AGBL1: variants seen among roughly 807,000 people sequenced by gnomAD.
AGBL1 encodes the protein AGBL carboxypeptidase 1, also known as cytosolic carboxypeptidase 4.
Under a neutral mutation model 118.9 loss-of-function variants are expected in AGBL1, and 130 were observed. The ratio of observed to expected loss-of-function variants is 1.09; its 90% CI spans 0.95 to 1.26. The LOEUF (loss-of-function observed/expected upper bound fraction) is 1.26, where lower values mean the gene tolerates loss of function less well. Among genes scored for constraint, AGBL1 ranks in the 50% most tolerant of loss-of-function variants. AGBL1 has a pLI of 0.00. For synonymous variants in AGBL1, 555 were observed against 478.9 expected (o/e 1.16, Z -2.08); for missense variants, 1,584 against 1,298.1 (o/e 1.22, Z -3.38).
At position 86,485,468 on chromosome 15, in the gene AGBL1, A is replaced by T. The variant is rs568311687; in HGVS notation, c.2556-37342A>T. On this transcript the variant is annotated intron_variant, in intron 18 of 22. Coordinates refer to ENST00000614907, the MANE Select transcript of AGBL1 (RefSeq NM_001386094.1). ...TTATAGTAAATATTTTAAGTTTTGC[A>T]GCTACACAGTCTCTGATGAAACTTT... is the stretch of plus-strand genomic sequence containing the variant. 8.5e-4 allele frequency among the ~76,000 whole-genome samples: 129 copies of T among 152,276 alleles called. No homozygotes were observed. The Middle Eastern group carries it at 0.017, about 20-fold the overall frequency.
chr15:86,086,228 C>G (rs1261039011), intron 1 of AGBL1: 1 of 152,166 alleles, frequency 6.6e-6, no homozygotes, highest in Non-Finnish European at 1.5e-5. Flanking sequence ...GGGATGAGAA[C>G]TTGGTCTCGG....
intron 1 of AGBL1, among the ~76,000 whole-genome samples, chr15:86,119,072 TG>T (rs1466454878): frequency 6.6e-6 from 1 of 152,184 alleles, no homozygotes; most frequent in East Asian, 1.9e-4. Context: ...CCAAAGTGCT[TG>T]CTCCTTTCTC....
intron 23 of AGBL1, among the ~76,000 whole-genome samples, chr15:86,952,915 G>A (rs72755656): frequency 1.3e-5 from 2 of 152,126 alleles, no homozygotes; most frequent in Non-Finnish European, 1.5e-5. Flanking sequence ...GCAAGCATAA[G>A]TCATTGAATA....
Position 86,685,334 on chromosome 15 carries a change from C to G in AGBL1, c.3158+10898C>G, listed in dbSNP as rs117600993. On this transcript the variant is annotated intron_variant, in intron 22 of 22. Transcript: ENST00000614907. The stretch of plus-strand genomic sequence containing the variant: ...TATCTTCGGTCATGTGATAGCTCAT[C>G]ATAGACTTACTGATTCTATTTGTGG... 3.0e-3 allele frequency among the ~76,000 whole-genome samples: 462 copies of G among 152,226 alleles called. 1 individual carries two copies. Among genetic ancestry groups the G allele is most frequent in the Non-Finnish European group, 4.5e-3 (309 of 68,016 alleles).
intron 15 of AGBL1, 37 bp downstream of exon 15, chr15:86,271,743 C>A (rs1263637731): frequency 6.5e-7 from 1 of 1,538,868 alleles, no homozygotes; most frequent in Non-Finnish European, 9.0e-7. Context: ...TTTCTCTGTC[C>A]TGTAATTTTC....
intron 22 of AGBL1, among the ~76,000 whole-genome samples, chr15:86,688,002 C>G (rs1260852701): frequency 6.6e-6 from 1 of 152,028 alleles, no homozygotes; most frequent in Non-Finnish European, 1.5e-5. Context: ...CCCCAAGACC[C>G]TAACTTTTGT....
At chr15:86,266,569 T>C (rs2079076026) in intron 12 of AGBL1, 112 bp downstream of exon 12, 4 of 805,192 alleles carry the variant, frequency 5.0e-6, no homozygotes, top group Non-Finnish European at 7.6e-6. Context: ...AACAGCATGA[T>C]GAAAATCCAG....
intron 5 of AGBL1, among the ~76,000 whole-genome samples, chr15:86,174,445 C>G (rs2077455170): frequency 1.3e-5 from 2 of 152,000 alleles, no homozygotes. Flanking sequence ...TTATTTCTTT[C>G]TCTTGCTAGA....
intron 21 of AGBL1, among the ~76,000 whole-genome samples, chr15:86,631,485 T>C (rs2084965132): frequency 6.6e-6 from 1 of 152,226 alleles, no homozygotes; most frequent in South Asian, 2.1e-4. Flanking sequence ...TCAAGTTTAC[T>C]GGGAAGACCT....
chr15:86,551,764 G>T (rs979826207), intron 20 of AGBL1, among the ~76,000 whole-genome samples: 6 of 152,112 alleles, frequency 3.9e-5, no homozygotes, highest in Non-Finnish European at 8.8e-5. Flanking sequence ...GACAGCTACA[G>T]CCCAATATTT....
At chr15:86,608,992 G>C (rs977028794) in intron 21 of AGBL1, among the ~76,000 whole-genome samples, 7 of 152,138 alleles carry the variant, frequency 4.6e-5, no homozygotes, top group African/African-American at 1.7e-4. Context: ...TGGCTATGTG[G>C]AATATGACAC....
intron 18 of AGBL1, among the ~76,000 whole-genome samples, chr15:86,400,906 G>A (rs1300907118): frequency 2.0e-5 from 3 of 151,984 alleles, no homozygotes; most frequent in South Asian, 2.1e-4. Context: ...CTGCAATTGC[G>A]AATTGTGCTG....
chr15:86,717,609 A>G (rs2086657341), intron 22 of AGBL1, among the ~76,000 whole-genome samples: 1 of 152,220 alleles, frequency 6.6e-6, no homozygotes, highest in Admixed American at 6.5e-5. Context: ...CCTAGGGAGC[A>G]GAAGTAGCCT....
At chr15:86,395,412 A>T (rs2081348251) in intron 17 of AGBL1, among the ~76,000 whole-genome samples, 1 of 152,090 alleles carries the variant, frequency 6.6e-6, no homozygotes, top group Non-Finnish European at 1.5e-5. Flanking sequence ...CATCTTTGGA[A>T]ATGGCCTTAC....
rs983366259 is a variant in AGBL1 at position 86,648,485 on chromosome 15, T to A, written c.2995-25788T>A. ...CCCCATCAACAGAGATGGGGAAAAC[T>A]GTGAGTTTAATAGGTTTGGAGCAGG... On this transcript the variant is annotated intron_variant, in intron 21 of 22. Transcript: ENST00000614907. 3.9e-5 allele frequency among the ~76,000 whole-genome samples: 6 copies of A among 152,160 alleles called. No homozygotes were observed. In the East Asian group the frequency reaches 1.2e-3, roughly 29 times the overall value.
intron 22 of AGBL1, among the ~76,000 whole-genome samples, chr15:86,760,534 G>A (rs991416830): frequency 8.6e-5 from 13 of 152,044 alleles, no homozygotes; most frequent in Non-Finnish European, 1.9e-4. Flanking sequence ...AGATGTCTTT[G>A]CTGCTTGCTT....
At chr15:86,896,745 C>A (rs1298220197) in intron 22 of AGBL1, among the ~76,000 whole-genome samples, 1 of 152,124 alleles carries the variant, frequency 6.6e-6, no homozygotes, top group East Asian at 1.9e-4. Flanking sequence ...TATAGCATCA[C>A]CTTTCCATTG....
chr15:86,863,206 A>G (rs1567213066), intron 22 of AGBL1, among the ~76,000 whole-genome samples: 1 of 152,224 alleles, frequency 6.6e-6, no homozygotes, highest in Non-Finnish European at 1.5e-5. Flanking sequence ...GGAAAGGCAT[A>G]TAGAGACTCC....
At chr15:86,547,197 A>C (rs2083595100) in intron 20 of AGBL1, among the ~76,000 whole-genome samples, 2 of 152,176 alleles carry the variant, frequency 1.3e-5, no homozygotes, top group South Asian at 4.1e-4. Context: ...GAAGCTTAAT[A>C]ACTTAATCTT....
Sources: gnomAD v4.1 joint callset for allele counts (sites outside exome capture counted in the v4.1 genomes callset) on GRCh38, gnomAD v4.1.1 for gene constraint, MANE v1.5 for transcripts, NCBI Gene and HGNC (gene_info 2026-07-23, HGNC 2026-07-21) for gene names.